The following ADAMTS20 variants were observed in gnomAD, a reference collection of about 807,000 sequenced individuals.
The protein encoded by ADAMTS20 is A disintegrin and metalloproteinase with thrombospondin motifs 20.
A neutral mutation model predicts 260.1 loss-of-function variants in ADAMTS20; 225 were observed. The observed-to-expected ratio is 0.87, with a 90% CI of 0.78 to 0.97. The LOEUF is 0.97. Among genes scored for constraint, ADAMTS20 ranks in the 50% least tolerant of loss-of-function variants. The pLI, the probability that ADAMTS20 is intolerant of heterozygous loss-of-function variation, is 0.00. For synonymous variants in ADAMTS20, 802 were observed against 769.5 expected (o/e 1.04, Z -0.70); for missense variants, 2,400 against 2,337.7 (o/e 1.03, Z -0.55).
At chr12:43,538,647 T>C (rs1326055621) in intron 2 of ADAMTS20, among the ~76,000 whole-genome samples, 1 of 152,228 alleles carries the variant, frequency 6.6e-6, no homozygotes, top group African/African-American at 2.4e-5. Flanking sequence ...TTTAATAGTT[T>C]GAAGTAACAT....
At chr12:43,453,655 C>T (rs994283336) in intron 12 of ADAMTS20, among the ~76,000 whole-genome samples, 5 of 150,374 alleles carry the variant, frequency 3.3e-5, no homozygotes, top group African/African-American at 4.9e-5. Flanking sequence ...AAAATTTATA[C>T]TAAATTAAAA....
intron 7 of ADAMTS20, among the ~76,000 whole-genome samples, chr12:43,477,231 A>AGTTGGTC (rs1443478432): frequency 2.2e-4 from 33 of 152,178 alleles, no homozygotes; most frequent in Non-Finnish European, 3.7e-4. Flanking sequence ...AACAATTTCT[A>AGTTGGTC]TAGGAATAGT....
chr12:43,436,746 A>C (rs1392580863), intron 18 of ADAMTS20, among the ~76,000 whole-genome samples: 1 of 152,122 alleles, frequency 6.6e-6, no homozygotes, highest in Non-Finnish European at 1.5e-5. Flanking sequence ...CCCCACACTG[A>C]ATGATGTGAT....
At chr12:43,459,966 T>C (rs867892807) in intron 11 of ADAMTS20, among the ~76,000 whole-genome samples, 5 of 152,180 alleles carry the variant, frequency 3.3e-5, no homozygotes, top group African/African-American at 1.2e-4. Context: ...TTCACACAAA[T>C]TGATTTACTA....
intron 36 of ADAMTS20, among the ~76,000 whole-genome samples, chr12:43,373,376 A>G (rs1592032027): frequency 6.6e-6 from 1 of 152,364 alleles, no homozygotes; most frequent in East Asian, 1.9e-4. Context: ...TCATTAAATA[A>G]TAACCAATAT....
At chr12:43,464,514 T>G in intron 10 of ADAMTS20, 77 bp downstream of exon 10, 1 of 1,513,114 alleles carries the variant, frequency 6.6e-7, no homozygotes, top group Non-Finnish European at 9.0e-7. Flanking sequence ...TTCAAGAGAA[T>G]AAACACATTT....
chr12:43,463,378 T>A (rs976909630), intron 10 of ADAMTS20, among the ~76,000 whole-genome samples: 11 of 152,194 alleles, frequency 7.2e-5, no homozygotes, highest in African/African-American at 2.7e-4. Context: ...TAGTGGAATG[T>A]ATGAATAATC....
chr12:43,381,509 A>C (rs1223267250), intron 31 of ADAMTS20, among the ~76,000 whole-genome samples: 1 of 151,554 alleles, frequency 6.6e-6, no homozygotes, highest in Non-Finnish European at 1.5e-5. Context: ...GCAGCCAGGC[A>C]TGGTAGCTTA....
At chr12:43,485,067 C>T (rs1942500398) in intron 7 of ADAMTS20, among the ~76,000 whole-genome samples, 2 of 147,604 alleles carry the variant, frequency 1.4e-5, no homozygotes, top group Admixed American at 1.4e-4. Flanking sequence ...CAGTATTTCC[C>T]TGATACCAGT....
At chr12:43,447,798 A>G (rs956997222) in intron 14 of ADAMTS20, among the ~76,000 whole-genome samples, 2 of 152,062 alleles carry the variant, frequency 1.3e-5, no homozygotes, top group African/African-American at 4.8e-5. Context: ...CAAATTTGCA[A>G]GATACAAAAT....
intron 14 of ADAMTS20, among the ~76,000 whole-genome samples, chr12:43,448,147 T>C (rs1941796518): frequency 6.8e-6 from 1 of 147,162 alleles, no homozygotes; most frequent in Non-Finnish European, 1.5e-5. Context: ...TATTTTAAAA[T>C]TCACATGGAA....
chr12:43,356,676 G>T (rs1452313575), intron 37 of ADAMTS20, 88 bp from the exon 38 acceptor site: 5 of 837,118 alleles, frequency 6.0e-6, no homozygotes, highest in Non-Finnish European at 7.7e-6. Context: ...AGGGGCAACT[G>T]AATTAATACT....
rs979446964 is a variant in ADAMTS20, at chr12:43,412,768, T to TA, written c.4284+12745dup. Among the ~76,000 whole-genome samples the TA allele has an allele frequency of 7.4e-4, 113 of 151,872 alleles. 1 individual carries two copies. Among genetic ancestry groups the TA allele is most frequent in the African/African-American group, 2.7e-3 (111 of 41,448 alleles). The stretch of plus-strand genomic sequence containing the variant: ...GAATAAACAATAAAGAGGTTGCCCT[T>TA]AGATAGATTCTCTAGTTAGCAGAAT... On this transcript the variant is annotated intron_variant, in intron 28 of 38. Transcript: ENST00000389420.
At chr12:43,404,916 A>G (rs980237388) in intron 28 of ADAMTS20, among the ~76,000 whole-genome samples, 5 of 152,072 alleles carry the variant, frequency 3.3e-5, no homozygotes, top group African/African-American at 4.8e-5. Context: ...CTAAATCCAT[A>G]CATAGCCTAA....
chr12:43,443,762 A>G (rs1233061021), intron 16 of ADAMTS20, 29 bp downstream of exon 16: 1 of 1,554,176 alleles, frequency 6.4e-7, no homozygotes, highest in Middle Eastern at 1.7e-4. Flanking sequence ...TAAGCCACAT[A>G]CTGGCTGTTG....
At chr12:43,535,766 T>G (rs939870808) in intron 2 of ADAMTS20, among the ~76,000 whole-genome samples, 1 of 152,144 alleles carries the variant, frequency 6.6e-6, no homozygotes, top group South Asian at 2.1e-4. Context: ...TTTAGGTGCA[T>G]TGAGATTCTA....
intron 37 of ADAMTS20, among the ~76,000 whole-genome samples, chr12:43,365,723 G>GTA (rs1447635777): frequency 1.3e-5 from 2 of 151,786 alleles, no homozygotes; most frequent in Non-Finnish European, 2.9e-5. Flanking sequence ...TTTATAAATG[G>GTA]TATATGTATA....
chr12:43,370,129 T>C (rs1940075219), intron 36 of ADAMTS20, among the ~76,000 whole-genome samples: 1 of 152,168 alleles, frequency 6.6e-6, no homozygotes, highest in Non-Finnish European at 1.5e-5. Context: ...GACTGCAAAA[T>C]CACTGCATGT....
At chr12:43,442,277 G>A (rs571582016) in intron 16 of ADAMTS20, among the ~76,000 whole-genome samples, 1 of 141,056 alleles carries the variant, frequency 7.1e-6, no homozygotes, top group Non-Finnish European at 1.5e-5. Flanking sequence ...TTTTTTTTGA[G>A]ACAGAGTTTT....
Sources: gnomAD v4.1 joint callset for allele counts (sites outside exome capture counted in the v4.1 genomes callset) on GRCh38, gnomAD v4.1.1 for gene constraint, MANE v1.5 for transcripts, NCBI Gene and HGNC (gene_info 2026-07-23, HGNC 2026-07-21) for gene names.